The following B4GALT6 variants were observed in gnomAD, a reference collection of about 807,000 sequenced individuals.
B4GALT6 encodes beta-1,4-galactosyltransferase 6, also known as UDP-Gal:beta-GlcNAc beta-1,4-galactosyltransferase 6.
A neutral mutation model predicts 46.3 loss-of-function variants in B4GALT6; 14 were observed. The observed-to-expected ratio is 0.30, with a 90% CI of 0.20 to 0.47. B4GALT6 has a LOEUF of 0.47. Among genes scored for constraint, B4GALT6 ranks in the 20% least tolerant of loss-of-function variants. The pLI, the probability that B4GALT6 is intolerant of heterozygous loss-of-function variation, is 0.99. For synonymous variants in B4GALT6, 168 were observed against 162.0 expected (o/e 1.04, Z -0.28); for missense variants, 386 against 480.1 (o/e 0.80, Z 1.83).
chr18:31,658,538 G>C (rs2074172153), intron 2 of B4GALT6: 1 of 153,004 alleles, frequency 6.5e-6, no homozygotes, highest in Admixed American at 6.5e-5. Context: ...TAGAAACTGA[G>C]ATTTACCCAC....
chr18:31,723,740 T>C, the B4GALT6 span, among the ~76,000 whole-genome samples: 7 of 152,290 alleles, frequency 4.6e-5, no homozygotes, highest in South Asian at 1.5e-3. Context: ...CATTTTGGAA[T>C]AAATGACCGT....
chr18:31,647,930 G>A (rs966741406), intron 3 of B4GALT6, among the ~76,000 whole-genome samples: 23 of 152,236 alleles, frequency 1.5e-4, no homozygotes, highest in Admixed American at 1.0e-3. Flanking sequence ...CATCTCTTTC[G>A]CGTACTCTTT....
intron 3 of B4GALT6, among the ~76,000 whole-genome samples, chr18:31,654,731 T>C (rs1327598304): frequency 6.6e-6 from 1 of 152,234 alleles, no homozygotes; most frequent in Non-Finnish European, 1.5e-5. Context: ...TGTACTTGAA[T>C]GGTTTTCATC....
chr18:31,690,726 C>T (rs2144776495), upstream of B4GALT6, among the ~76,000 whole-genome samples: 1 of 152,230 alleles, frequency 6.6e-6, no homozygotes, highest in Non-Finnish European at 1.5e-5. Context: ...CTGCCTTGGC[C>T]TCCCAAAGTG....
At chr18:31,650,168 A>T (rs1235740640) in intron 3 of B4GALT6, among the ~76,000 whole-genome samples, 6 of 152,176 alleles carry the variant, frequency 3.9e-5, no homozygotes, top group African/African-American at 1.4e-4. Context: ...CCTCTCTGCT[A>T]TATCCACACT....
intron 1 of B4GALT6, among the ~76,000 whole-genome samples, chr18:31,682,966 TGA>T (rs1483302651): frequency 6.6e-6 from 1 of 152,160 alleles, no homozygotes; most frequent in African/African-American, 2.4e-5. Context: ...TAGGTTTTTG[TGA>T]GGTTTTTTGT....
upstream of B4GALT6, among the ~76,000 whole-genome samples, chr18:31,684,920 G>T (rs1225220328): frequency 2.0e-5 from 3 of 149,174 alleles, no homozygotes; most frequent in African/African-American, 7.3e-5. Flanking sequence ...GCCCGCGTCC[G>T]CTCGGCAGGC....
At chr18:31,694,115 G>A in the B4GALT6 span, among the ~76,000 whole-genome samples, 25 of 152,352 alleles carry the variant, frequency 1.6e-4, no homozygotes, top group South Asian at 5.2e-3. Flanking sequence ...AGGCAAGACA[G>A]TAAGCATGCC....
At chr18:31,698,475 CA>C in the B4GALT6 span, among the ~76,000 whole-genome samples, 2 of 151,428 alleles carry the variant, frequency 1.3e-5, no homozygotes, top group African/African-American at 4.9e-5. Flanking sequence ...ACTAAAAATA[CA>C]AAACAATTAG....
intron 1 of B4GALT6, among the ~76,000 whole-genome samples, chr18:31,677,698 C>A (rs2074429584): frequency 6.6e-6 from 1 of 152,080 alleles, no homozygotes; most frequent in African/African-American, 2.4e-5. Flanking sequence ...TATTAAATCA[C>A]CGTGTCCTTC....
chr18:31,690,586 T>C (rs992713689), upstream of B4GALT6, among the ~76,000 whole-genome samples: 3 of 152,196 alleles, frequency 2.0e-5, no homozygotes, highest in Non-Finnish European at 4.4e-5. Context: ...TCTGCTGGCC[T>C]CAGCCTCCCA....
the B4GALT6 span, among the ~76,000 whole-genome samples, chr18:31,695,174 C>T: frequency 6.6e-6 from 1 of 150,618 alleles, no homozygotes; most frequent in Non-Finnish European, 1.5e-5. Context: ...TAGGCTAGAA[C>T]AAAAGTATTA....
chr18:31,673,530 G>A (rs961026328), intron 1 of B4GALT6, among the ~76,000 whole-genome samples: 1 of 152,150 alleles, frequency 6.6e-6, no homozygotes, highest in Admixed American at 6.5e-5. Context: ...ATTCAGAATT[G>A]AGCACTGACT....
chr18:31,637,745 GTAGT>G (rs1236131448), intron 5 of B4GALT6, among the ~76,000 whole-genome samples: 2 of 152,142 alleles, frequency 1.3e-5, no homozygotes, highest in East Asian at 1.9e-4. Context: ...TTCCTTTTCT[GTAGT>G]TAAATTCATG....
At chr18:31,717,212 A>C in the B4GALT6 span, among the ~76,000 whole-genome samples, 5 of 152,244 alleles carry the variant, frequency 3.3e-5, no homozygotes, top group Admixed American at 3.3e-4. Context: ...AAATTATGAT[A>C]TTTATATACA....
upstream of B4GALT6, among the ~76,000 whole-genome samples, chr18:31,684,892 G>T (rs1359732203): frequency 6.7e-6 from 1 of 150,064 alleles, no homozygotes; most frequent in Non-Finnish European, 1.5e-5. Flanking sequence ...GCGAAGCCCC[G>T]TGCTTAAGGT....
At chr18:31,709,557 G>A in the B4GALT6 span, among the ~76,000 whole-genome samples, 10 of 12,098 alleles carry the variant, frequency 8.3e-4, no homozygotes, top group African/African-American at 2.1e-3. Flanking sequence ...ATATATATGT[G>A]TGTGTGTGTG....
At chr18:31,677,919 C>T (rs888861770) in intron 1 of B4GALT6, among the ~76,000 whole-genome samples, 1 of 152,126 alleles carries the variant, frequency 6.6e-6, no homozygotes, top group African/African-American at 2.4e-5. Flanking sequence ...CCAATGGCGA[C>T]CTAGGAAACC....
chr18:31,663,443 T>C (rs963197842), intron 2 of B4GALT6, among the ~76,000 whole-genome samples: 4 of 152,232 alleles, frequency 2.6e-5, no homozygotes, highest in African/African-American at 4.8e-5. Flanking sequence ...TTTTCATAAT[T>C]TGGCTCTGTG....
Sources: allele counts gnomAD v4.1 joint callset (sites outside exome capture counted in the v4.1 genomes callset), GRCh38; gene constraint gnomAD v4.1.1; transcripts MANE v1.5; gene names NCBI Gene and HGNC (gene_info 2026-07-23, HGNC 2026-07-21).